RPS6KC1: variants seen among roughly 807,000 people sequenced by gnomAD.
The protein encoded by RPS6KC1 is ribosomal protein S6 kinase C1, also known as inactive ribosomal protein S6 kinase delta-1.
A neutral mutation model predicts 103.8 loss-of-function variants in RPS6KC1; 54 were observed. The ratio of observed to expected loss-of-function variants is 0.52; its 90% CI spans 0.42 to 0.65. RPS6KC1 has a LOEUF of 0.65. RPS6KC1 is among the 30% of genes least tolerant of loss of function. RPS6KC1 has a pLI of 0.00. For synonymous variants in RPS6KC1, 439 were observed against 438.7 expected (o/e 1.00, Z -0.01); for missense variants, 1,151 against 1,253.8 (o/e 0.92, Z 1.24).
At chr1:213,225,385 A>G (rs1361562118) in intron 8 of RPS6KC1, among the ~76,000 whole-genome samples, 1 of 151,680 alleles carries the variant, frequency 6.6e-6, no homozygotes, top group Non-Finnish European at 1.5e-5. Flanking sequence ...ATGTTTATCC[A>G]TCTTAATTTG....
At chr1:213,319,549 T>C in the RPS6KC1 span, among the ~76,000 whole-genome samples, 1 of 152,246 alleles carries the variant, frequency 6.6e-6, no homozygotes, top group Non-Finnish European at 1.5e-5. Flanking sequence ...TATTATATGC[T>C]GCACAATGCG....
the RPS6KC1 span, among the ~76,000 whole-genome samples, chr1:213,396,813 C>T: frequency 6.6e-6 from 1 of 152,164 alleles, no homozygotes; most frequent in Non-Finnish European, 1.5e-5. Flanking sequence ...ACAGACATCC[C>T]TCAGGGTCTC....
At chr1:213,568,327 T>G in the RPS6KC1 span, among the ~76,000 whole-genome samples, 1 of 152,184 alleles carries the variant, frequency 6.6e-6, no homozygotes, top group Non-Finnish European at 1.5e-5. Flanking sequence ...ATTAACCAGA[T>G]TAGTGCCAGT....
the RPS6KC1 span, among the ~76,000 whole-genome samples, chr1:213,670,497 T>C: frequency 6.6e-6 from 1 of 152,138 alleles, no homozygotes. Context: ...TTGTGATAGA[T>C]CAAAGTCAGG....
At chr1:213,654,701 A>G in the RPS6KC1 span, among the ~76,000 whole-genome samples, 1 of 152,214 alleles carries the variant, frequency 6.6e-6, no homozygotes, top group Non-Finnish European at 1.5e-5. Context: ...TTCTAATAAC[A>G]GTGAGCCTTA....
chr1:213,128,908 A>G (rs895107594), intron 5 of RPS6KC1, among the ~76,000 whole-genome samples: 2 of 152,214 alleles, frequency 1.3e-5, no homozygotes, highest in African/African-American at 4.8e-5. Flanking sequence ...ATGATAGTCT[A>G]TTATGCTTTA....
chr1:213,780,886 G>T, the RPS6KC1 span, among the ~76,000 whole-genome samples: 2 of 152,104 alleles, frequency 1.3e-5, no homozygotes, highest in African/African-American at 4.8e-5. Context: ...ATCTGGATGT[G>T]GTGGCGTGCA....
the RPS6KC1 span, among the ~76,000 whole-genome samples, chr1:213,813,863 C>T: frequency 2.0e-5 from 3 of 152,292 alleles, no homozygotes; most frequent in Non-Finnish European, 4.4e-5. Context: ...TCCTACTCTT[C>T]TCATAGCGAT....
chr1:213,508,572 G>T, the RPS6KC1 span, among the ~76,000 whole-genome samples: 1 of 152,182 alleles, frequency 6.6e-6, no homozygotes, highest in Non-Finnish European at 1.5e-5. Context: ...ACTGGAGTTT[G>T]TGGGTGATGG....
At chr1:213,157,330 C>A (rs1216878799) in intron 6 of RPS6KC1, among the ~76,000 whole-genome samples, 2 of 152,080 alleles carry the variant, frequency 1.3e-5, no homozygotes, top group Non-Finnish European at 2.9e-5. Context: ...CCTCAGCCTC[C>A]TGAGTAGCTG....
At chr1:213,411,282 G>C in the RPS6KC1 span, among the ~76,000 whole-genome samples, 1 of 152,212 alleles carries the variant, frequency 6.6e-6, no homozygotes, top group African/African-American at 2.4e-5. Context: ...ACAGGTGTGT[G>C]GCAGAGGTGA....
chr1:213,439,766 C>T, the RPS6KC1 span, among the ~76,000 whole-genome samples: 4,977 of 151,654 alleles, frequency 0.033, 107 homozygotes, highest in Non-Finnish European at 0.05. Context: ...TTATGGGGTG[C>T]AGTTGGGCCA....
At chr1:213,571,858 G>C in the RPS6KC1 span, among the ~76,000 whole-genome samples, 2 of 152,160 alleles carry the variant, frequency 1.3e-5, no homozygotes, top group Non-Finnish European at 2.9e-5. Flanking sequence ...TGAGGATCTT[G>C]CTAAAATGCC....
the RPS6KC1 span, among the ~76,000 whole-genome samples, chr1:213,509,849 ATC>A: frequency 0.32 from 47,932 of 151,884 alleles, 7,901 homozygotes; most frequent in African/African-American, 0.34. Context: ...AGCCATTTTT[ATC>A]TCTTTTATTA....
chr1:213,250,213 A>G (rs964088977), intron 12 of RPS6KC1, among the ~76,000 whole-genome samples: 1 of 152,192 alleles, frequency 6.6e-6, no homozygotes, highest in Non-Finnish European at 1.5e-5. Flanking sequence ...GCAGCACCAC[A>G]TATCCCCTGT....
At chr1:213,787,075 C>T in the RPS6KC1 span, among the ~76,000 whole-genome samples, 3 of 152,162 alleles carry the variant, frequency 2.0e-5, no homozygotes, top group Non-Finnish European at 4.4e-5. Flanking sequence ...TGTCCTGGAT[C>T]CACCACTTAC....
the RPS6KC1 span, among the ~76,000 whole-genome samples, chr1:213,633,928 C>T: frequency 1.7e-5 from 2 of 116,832 alleles, no homozygotes; most frequent in African/African-American, 6.6e-5. Context: ...GGGTTGCAAT[C>T]CTAGTCTGTG....
chr1:213,211,776 G>T (rs114691286), intron 8 of RPS6KC1, among the ~76,000 whole-genome samples: 3 of 152,170 alleles, frequency 2.0e-5, no homozygotes, highest in Non-Finnish European at 4.4e-5. Flanking sequence ...ATTTGTGTTT[G>T]TAGTTTATTT....
At chr1:213,180,032 G>C (rs764098325) in intron 8 of RPS6KC1, among the ~76,000 whole-genome samples, 38 of 152,130 alleles carry the variant, frequency 2.5e-4, no homozygotes, top group Non-Finnish European at 4.9e-4. Flanking sequence ...GCTGTATGTT[G>C]ATTTAGTATT....
Sources: allele counts gnomAD v4.1 joint callset (sites outside exome capture counted in the v4.1 genomes callset), GRCh38; gene constraint gnomAD v4.1.1; transcripts MANE v1.5; gene names NCBI Gene and HGNC (gene_info 2026-07-23, HGNC 2026-07-21).